USP7: variants seen among roughly 807,000 people sequenced by gnomAD.
USP7 encodes ubiquitin C-terminal hydrolase 7.
USP7 carries 9 observed loss-of-function variants against 162.9 expected under a neutral mutation model. The observed-to-expected ratio is 0.06, with a 90% CI of 0.03 to 0.10. USP7 has a LOEUF of 0.10. USP7 is among the 10% of genes least tolerant of loss of function. The pLI, the probability that USP7 is intolerant of heterozygous loss-of-function variation, is 1.00. For synonymous variants in USP7, 562 were observed against 475.9 expected (o/e 1.18, Z -2.35); for missense variants, 715 against 1,373.7 (o/e 0.52, Z 7.58).
chr16:8,936,207 C>T (rs998180805), intron 1 of USP7, among the ~76,000 whole-genome samples: 1 of 152,134 alleles, frequency 6.6e-6, no homozygotes, highest in Non-Finnish European at 1.5e-5. Flanking sequence ...CTAGTAACAA[C>T]CTAGTGATCA....
chr16:8,926,322 A>T (rs755706330), intron 2 of USP7, among the ~76,000 whole-genome samples: 1 of 151,976 alleles, frequency 6.6e-6, no homozygotes, highest in South Asian at 2.1e-4. Flanking sequence ...TACTAAAAAT[A>T]AAAAAAATTA....
At chr16:8,963,160 A>G (rs1900089508) in intron 1 of USP7, 47 bp downstream of exon 1, 1 of 1,371,994 alleles carries the variant, frequency 7.3e-7, no homozygotes, top group Non-Finnish European at 9.5e-7. Context: ...CCCGGCCACA[A>G]TGAAAGGCGC....
rs1899211742 is a variant in USP7 at position 8,944,950 on chromosome 16, A to C, written c.80-14553T>G. Among the ~76,000 whole-genome samples the C allele has an allele frequency of 2.0e-5, 3 of 152,166 alleles. No homozygotes were observed. The South Asian group carries it at 6.2e-4, about 32-fold the overall frequency. On this transcript the variant is annotated intron_variant, in intron 1 of 30. Coordinates refer to ENST00000344836, the MANE Select transcript of USP7 (RefSeq NM_003470.3). The stretch of plus-strand genomic sequence containing the variant: ...TGGCGAAACCTCGCCTCTACTAAAA[A>C]TACAAAAATTAGCTGGGTGGACCGG...
At chr16:8,935,471 A>T (rs956883671) in intron 1 of USP7, among the ~76,000 whole-genome samples, 1 of 152,172 alleles carries the variant, frequency 6.6e-6, no homozygotes, top group African/African-American at 2.4e-5. Context: ...TCGGCCTCCC[A>T]AAGTGCTGGG....
intron 1 of USP7, chr16:8,956,279 C>A (rs989465201): frequency 2.6e-5 from 4 of 152,300 alleles, no homozygotes; most frequent in African/African-American, 9.6e-5. Context: ...TTTTTAGATT[C>A]TCAATGACCC....
intron 12 of USP7, among the ~76,000 whole-genome samples, chr16:8,907,362 T>C (rs570801046): frequency 6.6e-6 from 1 of 152,362 alleles, no homozygotes; most frequent in Admixed American, 6.5e-5. Context: ...CGGTAAAGAC[T>C]GTGAATGGGT....
intron 1 of USP7, among the ~76,000 whole-genome samples, chr16:8,939,146 T>C (rs564047609): frequency 6.6e-6 from 1 of 152,332 alleles, no homozygotes; most frequent in African/African-American, 2.4e-5. Flanking sequence ...TATTTAGTTC[T>C]CTACAATTTT....
chr16:8,958,193 G>C (rs915768726), intron 1 of USP7, among the ~76,000 whole-genome samples: 1 of 152,228 alleles, frequency 6.6e-6, no homozygotes, highest in African/African-American at 2.4e-5. Flanking sequence ...CACAGTAGCA[G>C]GTGGGGCAAA....
chr16:8,958,010 G>T (rs1899879022), intron 1 of USP7, among the ~76,000 whole-genome samples: 2 of 152,114 alleles, frequency 1.3e-5, no homozygotes, highest in Non-Finnish European at 2.9e-5. Flanking sequence ...AGAGCCACTT[G>T]CCAGCCAGCC....
chr16:8,894,144 G>A (rs1456469024), intron 30 of USP7, 40 bp from the exon 31 acceptor site: 1 of 1,579,358 alleles, frequency 6.3e-7, no homozygotes, highest in Admixed American at 1.7e-5. Context: ...CCACAGAGCA[G>A]CCCTGGAACC....
At chr16:8,945,061 G>A (rs551344206) in intron 1 of USP7, among the ~76,000 whole-genome samples, 15 of 152,348 alleles carry the variant, frequency 9.8e-5, no homozygotes, top group African/African-American at 3.4e-4. Flanking sequence ...AGACCAGCCT[G>A]ACCAAGATGA....
At chr16:8,935,276 C>A (rs1272733869) in intron 1 of USP7, among the ~76,000 whole-genome samples, 1 of 150,986 alleles carries the variant, frequency 6.6e-6, no homozygotes, top group East Asian at 2.0e-4. Flanking sequence ...CCTCGGCTCA[C>A]TGGAAACTCC....
chr16:8,942,504 T>A (rs1043407058), intron 1 of USP7, among the ~76,000 whole-genome samples: 2 of 152,216 alleles, frequency 1.3e-5, no homozygotes, highest in African/African-American at 4.8e-5. Flanking sequence ...GGGGCCCTCC[T>A]AAGTAACTCT....
Position 8,963,566 on chromosome 16 carries a change from G to GGCGGCC in USP7, c.-282_-281insGGCCGC, listed in dbSNP as rs1555473185. The GGCGGCC allele has an allele frequency of 4.5e-5, 6 of 133,294 alleles. No individual in the cohort carries two copies. Among genetic ancestry groups the GGCGGCC allele is most frequent in the Admixed American group, 1.4e-4 (2 of 13,932 alleles). The allele number at this position is 133,294 out of a possible 1,614,324, so 8.3% of individuals were successfully genotyped here. A position where few individuals can be genotyped will look rare whatever the true frequency, so the allele number is the denominator to read the frequency against. ...GCCGGGCGGCCTCGTCGCTCGCTGC[G>GGCGGCC]GCCGCCGCCGCCGCCGCCGCGGGGC... On this transcript the variant is annotated 5_prime_UTR_variant, in exon 1 of 31. Coordinates refer to ENST00000344836, the MANE Select transcript of USP7 (RefSeq NM_003470.3).
chr16:8,937,168 A>AAGAT (rs1246125288), intron 1 of USP7, among the ~76,000 whole-genome samples: 1 of 152,006 alleles, frequency 6.6e-6, no homozygotes, highest in Non-Finnish European at 1.5e-5. Context: ...CTGAGGCAGG[A>AAGAT]AGATCCCTTT....
intron 1 of USP7, among the ~76,000 whole-genome samples, chr16:8,946,724 C>T (rs895160827): frequency 6.6e-6 from 1 of 152,184 alleles, no homozygotes; most frequent in Non-Finnish European, 1.5e-5. Context: ...GATGCAAAGG[C>T]GGCCTCCACA....
At chr16:8,905,485 C>T (rs1374558734) in intron 13 of USP7, among the ~76,000 whole-genome samples, 154 bp from the exon 14 acceptor site, 6 of 152,346 alleles carry the variant, frequency 3.9e-5, no homozygotes, top group East Asian at 3.9e-4. Flanking sequence ...CACAATCTGA[C>T]GGTGTGCTAG....
At chr16:8,948,584 A>G (rs1899398702) in intron 1 of USP7, among the ~76,000 whole-genome samples, 1 of 152,182 alleles carries the variant, frequency 6.6e-6, no homozygotes, top group African/African-American at 2.4e-5. Flanking sequence ...AGATGACACA[A>G]TCCTAAGAAC....
intron 1 of USP7, among the ~76,000 whole-genome samples, chr16:8,962,265 T>G (rs1173908718): frequency 6.6e-6 from 1 of 152,212 alleles, no homozygotes; most frequent in Non-Finnish European, 1.5e-5. Flanking sequence ...ACTCGTCACG[T>G]AGGTAAGAAA....
Sources: gnomAD v4.1 joint callset for allele counts (sites outside exome capture counted in the v4.1 genomes callset) on GRCh38, gnomAD v4.1.1 for gene constraint, MANE v1.5 for transcripts, NCBI Gene and HGNC (gene_info 2026-07-23, HGNC 2026-07-21) for gene names.